SLC39A12: variants seen among roughly 807,000 people sequenced by gnomAD.
The protein encoded by SLC39A12 is zinc transporter ZIP12.
In SLC39A12, 63 loss-of-function variants were observed where a neutral mutation model predicts 71.1. That is an observed-to-expected ratio of 0.89 (90% CI 0.72 to 1.09). SLC39A12 has a LOEUF of 1.09. Among genes scored for constraint, SLC39A12 ranks in the 50% least tolerant of loss-of-function variants. The probability of loss-of-function intolerance (pLI) is 0.00; values close to 1 mark genes in which losing one functional copy is unlikely to be tolerated. For synonymous variants in SLC39A12, 351 were observed against 301.3 expected, an observed-to-expected ratio of 1.16 and a Z score of -1.71; for missense variants, 892 against 812.6, an observed-to-expected ratio of 1.10 and a Z score of -1.19.
At chr10:18,021,195 C>T (rs1221772042) in intron 12 of SLC39A12, among the ~76,000 whole-genome samples, 1 of 151,888 alleles carries the variant, frequency 6.6e-6, no homozygotes, top group African/African-American at 2.4e-5. Context: ...CATGGCTAAC[C>T]AGTCATCCCA....
chr10:17,989,165 A>G (rs1564648229), intron 7 of SLC39A12, among the ~76,000 whole-genome samples: 4 of 152,178 alleles, frequency 2.6e-5, no homozygotes, highest in Admixed American at 2.0e-4. Flanking sequence ...CTTACCAGGG[A>G]TAATGATGGT....
intron 4 of SLC39A12, among the ~76,000 whole-genome samples, chr10:17,967,512 T>C (rs190035625): frequency 6.6e-6 from 1 of 152,270 alleles, no homozygotes; most frequent in African/African-American, 2.4e-5. Flanking sequence ...AAAAATAAAT[T>C]CTTGACACTT....
chr10:18,042,329 A>G (rs920177026), intron 12 of SLC39A12, among the ~76,000 whole-genome samples: 1 of 151,980 alleles, frequency 6.6e-6, no homozygotes, highest in Non-Finnish European at 1.5e-5. Flanking sequence ...AAATGCAAAA[A>G]TTAGCTGGGT....
chr10:17,969,684 G>A (rs556554879), intron 4 of SLC39A12, among the ~76,000 whole-genome samples: 1 of 152,146 alleles, frequency 6.6e-6, no homozygotes, highest in South Asian at 2.1e-4. Flanking sequence ...GTATATTCTG[G>A]TTATTAATTC....
intron 7 of SLC39A12, among the ~76,000 whole-genome samples, chr10:17,988,525 A>G (rs563597229): frequency 1.5e-4 from 23 of 151,476 alleles, no homozygotes; most frequent in African/African-American, 5.6e-4. Flanking sequence ...AGCCCATTAA[A>G]CCTCTTTTCT....
In SLC39A12 at chr10:18,003,161, T is replaced by G; in HGVS notation, c.1760-10T>G. On this transcript the variant is annotated splice_polypyrimidine_tract_variant and intron_variant, in intron 11 of 12. Transcript: ENST00000377369. ...TGATAATTATATTTTCCTTTCCTCT[T>G]AAACTTCAGGAGACTTTGCCGTGCT... The G allele has an allele frequency of 6.2e-7, 1 of 1,608,570 alleles. No individual in the cohort carries two copies.
chr10:17,952,413 C>T (rs1834423778), intron 1 of SLC39A12, among the ~76,000 whole-genome samples: 1 of 151,902 alleles, frequency 6.6e-6, no homozygotes, highest in African/African-American at 2.4e-5. Context: ...AAAAAAAGAC[C>T]TGTGTTTTCT....
chr10:17,969,912 C>T (rs1464189600), intron 4 of SLC39A12, among the ~76,000 whole-genome samples: 1 of 152,116 alleles, frequency 6.6e-6, no homozygotes, highest in Non-Finnish European at 1.5e-5. Context: ...ATTTCATAGT[C>T]TGAAATCTTA....
At chr10:17,955,156 A>AG (rs1554847634) in intron 2 of SLC39A12, among the ~76,000 whole-genome samples, 1 of 140,706 alleles carries the variant, frequency 7.1e-6, no homozygotes. Flanking sequence ...TAGTTTTGCC[A>AG]GGGGGGAAGG....
intron 6 of SLC39A12, among the ~76,000 whole-genome samples, chr10:17,982,926 C>G (rs1291886116): frequency 6.6e-6 from 1 of 151,942 alleles, no homozygotes; most frequent in Non-Finnish European, 1.5e-5. Flanking sequence ...CGCGGTGGCT[C>G]ACGTCTGTAA....
At chr10:18,027,628 T>C (rs373032869) in intron 12 of SLC39A12, among the ~76,000 whole-genome samples, 93 of 152,354 alleles carry the variant, frequency 6.1e-4, no homozygotes, top group African/African-American at 2.2e-3. Flanking sequence ...TTCCACTGAC[T>C]GGTTCTAGCA....
chr10:17,961,577 A>T lies in SLC39A12; in HGVS notation c.262-4A>T, dbSNP rs782455186. 2.5e-6 allele frequency: 4 copies of T among 1,601,966 alleles called. No individual in the cohort carries two copies. In the African/African-American group the frequency reaches 4.0e-5, roughly 16 times the overall value. On this transcript the variant is annotated splice_polypyrimidine_tract_variant and splice_region_variant and intron_variant, in intron 2 of 12. Transcript: ENST00000377369. ...TTTGTTGTTGTTATTGTTTTCTTCC[A>T]CAGTGCTTTGAACCAGATGCACTAT...
rs1463850258 is a variant in SLC39A12, at chr10:18,000,713, C to G, written c.1647C>G (p.Ser549Arg). 1.9e-6 allele frequency: 3 copies of G among 1,614,042 alleles called. No homozygotes were observed. Among genetic ancestry groups the G allele is most frequent in the Non-Finnish European group, 2.5e-6 (3 of 1,180,022 alleles). ...LLAIMILVGD[S>R]LHNFADGLAI... ...CAATCATGATTCTGGTTGGGGACAG[C>G]CTGCATAATTTTGCAGATGGCCTAG... The change falls in exon 11 of 13, where the codon AGC becomes AGG. Residue 549 changes from serine (S) to arginine (R), a missense_variant. Physicochemically the swap from Ser to Arg is moderately radical, Grantham distance 110. Coordinates refer to ENST00000377369, the MANE Select transcript of SLC39A12 (RefSeq NM_001145195.2).
intron 11 of SLC39A12, chr10:18,002,090 G>A (rs67967330): frequency 0.11 from 16,141 of 151,972 alleles, 985 homozygotes; most frequent in Non-Finnish European, 0.13. Flanking sequence ...GAACAATATA[G>A]CCCTGTTCTT....
chr10:17,977,790 A>G lies in SLC39A12; in HGVS notation c.752-112A>G, dbSNP rs1835147375. On this transcript the variant is annotated intron_variant, in intron 4 of 12. Coordinates refer to ENST00000377369, the MANE Select transcript of SLC39A12 (RefSeq NM_001145195.2). The stretch of plus-strand genomic sequence containing the variant: ...CCATTCTGTCATCTCTAGGGCTTAA[A>G]AAATGATAAGAATTCTTTGTAAGGG... 4.7e-6 allele frequency: 4 copies of G among 855,448 alleles called. No homozygotes were observed. In the Admixed American group the frequency reaches 1.2e-4, roughly 26 times the overall value. The allele number at this position is 855,448 out of a possible 1,614,324, so 53.0% of individuals were successfully genotyped here.
intron 12 of SLC39A12, among the ~76,000 whole-genome samples, chr10:18,036,390 C>A (rs571823193): frequency 6.6e-6 from 1 of 152,052 alleles, no homozygotes. Context: ...GCGCAGTATT[C>A]GGGTGGGAGT....
chr10:17,981,087 A>T (rs1272618586), intron 5 of SLC39A12, among the ~76,000 whole-genome samples: 1 of 152,216 alleles, frequency 6.6e-6, no homozygotes, highest in Non-Finnish European at 1.5e-5. Flanking sequence ...CATACTAAAT[A>T]AGGCTCAGAA....
Position 18,018,253 on chromosome 10 carries a change from C to T in SLC39A12, c.1947+14895C>T, listed in dbSNP as rs373511943. ...CCATGTATTCTGCAACCTTGCTATA[C>T]TTGATTATGTGTTCTAGGAGCTTTT... On this transcript the variant is annotated intron_variant, in intron 12 of 12. Transcript: ENST00000377369. Among the ~76,000 whole-genome samples, 6 of 152,254 alleles carry T rather than the reference C, an allele frequency of 3.9e-5. No individual in the cohort carries two copies. The East Asian group carries it at 7.7e-4, about 20-fold the overall frequency.
intron 12 of SLC39A12, among the ~76,000 whole-genome samples, chr10:18,039,547 G>A (rs960500459): frequency 6.6e-6 from 1 of 152,122 alleles, no homozygotes; most frequent in African/African-American, 2.4e-5. Flanking sequence ...AGGCAACATA[G>A]CAAGACCTCG....
Sources: gnomAD v4.1 joint callset for allele counts (sites outside exome capture counted in the v4.1 genomes callset) on GRCh38, gnomAD v4.1.1 for gene constraint, MANE v1.5 for transcripts, NCBI Gene and HGNC (gene_info 2026-07-23, HGNC 2026-07-21) for gene names.